GTF3C2: variants seen among roughly 807,000 people sequenced by gnomAD.
The protein encoded by GTF3C2 is general transcription factor 3C polypeptide 2.
In GTF3C2, 17 loss-of-function variants were observed where a neutral mutation model predicts 117.4. The ratio of observed to expected loss-of-function variants is 0.14; its 90% CI spans 0.10 to 0.22. The LOEUF is 0.22. GTF3C2 is among the 10% of genes least tolerant of loss of function. The probability of loss-of-function intolerance (pLI) is 1.00; values close to 1 mark genes in which losing one functional copy is unlikely to be tolerated. For missense variants in GTF3C2, 888 were observed against 1,143.6 expected (o/e 0.78, Z 3.22); for synonymous variants, 437 against 427.0 (o/e 1.02, Z -0.29).
intron 12 of GTF3C2, among the ~76,000 whole-genome samples, chr2:27,331,666 G>A (rs924432328): frequency 1.3e-5 from 2 of 152,032 alleles, no homozygotes; most frequent in African/African-American, 4.8e-5. Flanking sequence ...GGCCAGGCAT[G>A]GTAACTCTCA....
At chr2:27,340,949 T>C (rs1453669320) in intron 4 of GTF3C2, 1 of 151,998 alleles carries the variant, frequency 6.6e-6, no homozygotes, top group Non-Finnish European at 1.5e-5. Flanking sequence ...TCAACTATAG[T>C]TTGACCTATT....
chr2:27,330,758 T>A (rs549648039), intron 12 of GTF3C2, among the ~76,000 whole-genome samples: 1 of 152,240 alleles, frequency 6.6e-6, no homozygotes, highest in East Asian at 1.9e-4. Context: ...GTCCAGAGTT[T>A]GAGACCAGCC....
exon 8 of GTF3C2, chr2:27,336,310 C>T (rs1453967395): frequency 6.2e-7 from 1 of 1,613,940 alleles, no homozygotes; most frequent in Non-Finnish European, 8.5e-7. Flanking sequence ...AAAAGAGCCA[C>T]ATATTGCGAG....
At chr2:27,341,967 G>A in exon 4 of GTF3C2, 1 of 1,614,018 alleles carries the variant, frequency 6.2e-7, no homozygotes, top group Non-Finnish European at 8.5e-7. Context: ...AGATCCTCGT[G>A]GGGTGCTTCG....
At chr2:27,335,892 C>G in intron 9 of GTF3C2, 25 bp downstream of exon 9, 3 of 1,445,844 alleles carry the variant, frequency 2.1e-6, no homozygotes, top group Non-Finnish European at 2.9e-6. Context: ...GTCCTAGGGC[C>G]ATCCCACAGT....
chr2:27,356,074 G>A (rs1052613772), intron 1 of GTF3C2: 51 of 1,284,978 alleles, frequency 4.0e-5, no homozygotes, highest in Non-Finnish European at 4.5e-5. Flanking sequence ...GGAACAAAGA[G>A]GTTTGTCCAT....
At chr2:27,342,582 G>A in intron 3 of GTF3C2, 1 of 560,326 alleles carries the variant, frequency 1.8e-6, no homozygotes, top group Non-Finnish European at 3.2e-6. Flanking sequence ...TAAAGAGCTG[G>A]GTAAAGTTTG....
chr2:27,327,306 GGAGA>G (rs758767869), intron 17 of GTF3C2, 22 bp from the exon 18 acceptor site: 24 of 1,279,174 alleles, frequency 1.9e-5, no homozygotes, highest in East Asian at 7.0e-5. Flanking sequence ...AAATGGAATA[GGAGA>G]GAGAAAGTGA....
At chr2:27,349,675 G>C (rs1038245304) in intron 1 of GTF3C2, among the ~76,000 whole-genome samples, 2 of 151,486 alleles carry the variant, frequency 1.3e-5, no homozygotes, top group Non-Finnish European at 2.9e-5. Context: ...GCCTCTCTCT[G>C]TTGCCCAGGC....
chr2:27,343,531 A>G, exon 2 of GTF3C2: 1 of 1,613,992 alleles, frequency 6.2e-7, no homozygotes, highest in East Asian at 2.2e-5. Flanking sequence ...CCAGGGCAAC[A>G]TAGCCGACCC....
intron 1 of GTF3C2, among the ~76,000 whole-genome samples, chr2:27,345,004 C>T (rs1019071775): frequency 3.3e-5 from 5 of 151,756 alleles, no homozygotes; most frequent in African/African-American, 1.2e-4. Context: ...AATTTTCTGG[C>T]CAGGCACGAT....
At chr2:27,347,946 C>T (rs767578756) in intron 1 of GTF3C2, among the ~76,000 whole-genome samples, 67 of 152,074 alleles carry the variant, frequency 4.4e-4, no homozygotes, top group Non-Finnish European at 5.9e-4. Flanking sequence ...CCAGCCTGGG[C>T]AACATGGCAA....
intron 12 of GTF3C2, among the ~76,000 whole-genome samples, chr2:27,332,336 C>T (rs1680302204): frequency 6.6e-6 from 1 of 151,078 alleles, no homozygotes; most frequent in Non-Finnish European, 1.5e-5. Flanking sequence ...AAACTCTTTC[C>T]TCTAATCTTT....
intron 1 of GTF3C2, 103 bp from the exon 2 acceptor site, chr2:27,343,681 A>G: frequency 3.3e-6 from 3 of 902,022 alleles, no homozygotes; most frequent in African/African-American, 1.7e-5. Context: ...ACTCATAACC[A>G]AGTTCCCTGA....
At chr2:27,346,692 T>TA (rs942265827) in intron 1 of GTF3C2, among the ~76,000 whole-genome samples, 7 of 151,434 alleles carry the variant, frequency 4.6e-5, no homozygotes, top group African/African-American at 1.7e-4. Context: ...TTTTAAAAAT[T>TA]AAAAAAAATT....
intron 1 of GTF3C2, among the ~76,000 whole-genome samples, chr2:27,346,792 T>C (rs1018114448): frequency 2.6e-5 from 4 of 152,014 alleles, no homozygotes; most frequent in Non-Finnish European, 5.9e-5. Flanking sequence ...ACTCCTGGGT[T>C]CAAACAGTCC....
chr2:27,326,544 G>T, exon 19 of GTF3C2: 1 of 673,436 alleles, frequency 1.5e-6, no homozygotes, highest in Non-Finnish European at 2.6e-6. Flanking sequence ...AGGAGTCCTG[G>T]GGAGGCAGGC....
chr2:27,328,469 A>T, exon 16 of GTF3C2: 1 of 1,614,088 alleles, frequency 6.2e-7, no homozygotes, highest in Non-Finnish European at 8.5e-7. Flanking sequence ...TATACGTACA[A>T]ATCTTCGCTC....
intron 17 of GTF3C2, among the ~76,000 whole-genome samples, chr2:27,327,629 T>TA (rs1189076426): frequency 7.0e-6 from 1 of 142,138 alleles, no homozygotes; most frequent in African/African-American, 2.7e-5. Flanking sequence ...TGGCCCTTTT[T>TA]TTTTTTTTTT....
Sources: gnomAD v4.1 joint callset for allele counts (sites outside exome capture counted in the v4.1 genomes callset) on GRCh38, gnomAD v4.1.1 for gene constraint, MANE v1.5 for transcripts, NCBI Gene and HGNC (gene_info 2026-07-23, HGNC 2026-07-21) for gene names.